Variants in PRICKLE2 observed in about 807,000 individuals in gnomAD.
PRICKLE2 encodes the protein prickle-like protein 2.
PRICKLE2 carries 21 observed loss-of-function variants against 81.4 expected under a neutral mutation model. The observed-to-expected ratio is 0.26, with a 90% CI of 0.18 to 0.37. The LOEUF (loss-of-function observed/expected upper bound fraction) is 0.37. PRICKLE2 is among the 10% of genes least tolerant of loss of function. PRICKLE2 has a pLI of 1.00. For synonymous variants in PRICKLE2, 456 were observed against 421.5 expected (o/e 1.08, Z -1.00); for missense variants, 940 against 1,109.0 (o/e 0.85, Z 2.16).
intron 7 of PRICKLE2, among the ~76,000 whole-genome samples, chr3:64,119,322 C>G (rs2076990203): frequency 6.6e-6 from 1 of 152,146 alleles, no homozygotes; most frequent in South Asian, 2.1e-4. Context: ...CCCCATAACA[C>G]AAGTTTACCT....
At chr3:64,249,403 G>C (rs1028816762) in intron 2 of PRICKLE2, among the ~76,000 whole-genome samples, 1 of 152,214 alleles carries the variant, frequency 6.6e-6, no homozygotes, top group African/African-American at 2.4e-5. Context: ...TTCGACATGA[G>C]ATTTGGGTGG....
intron 7 of PRICKLE2, among the ~76,000 whole-genome samples, chr3:64,107,169 A>G (rs563882939): frequency 2.0e-5 from 3 of 152,226 alleles, no homozygotes; most frequent in East Asian, 3.9e-4. Context: ...AAGAGAGGTC[A>G]GCATCCAATT....
chr3:64,197,197 T>C (rs1037375686), intron 2 of PRICKLE2, among the ~76,000 whole-genome samples: 3 of 152,232 alleles, frequency 2.0e-5, no homozygotes, highest in Non-Finnish European at 4.4e-5. Context: ...TCTTTACTAT[T>C]ATGAATAGTG....
At chr3:64,248,188 G>C (rs1342990037) in intron 2 of PRICKLE2, among the ~76,000 whole-genome samples, 1 of 152,170 alleles carries the variant, frequency 6.6e-6, no homozygotes. Context: ...TAATTTTTGT[G>C]AGTCATTCTC....
At chr3:64,112,690 C>A (rs113345789) in intron 7 of PRICKLE2, among the ~76,000 whole-genome samples, 4,404 of 152,246 alleles carry the variant, frequency 0.029, 201 homozygotes, top group African/African-American at 0.1. Flanking sequence ...AGCTTCTGCA[C>A]AGCAAAATAA....
intron 7 of PRICKLE2, among the ~76,000 whole-genome samples, chr3:64,130,644 A>G (rs893816771): frequency 1.3e-5 from 2 of 152,202 alleles, no homozygotes; most frequent in African/African-American, 4.8e-5. Context: ...CCACCCACGA[A>G]TTATCCCAGA....
At chr3:64,141,837 G>A in intron 7 of PRICKLE2, 1 of 985,282 alleles carries the variant, frequency 1.0e-6, no homozygotes, top group Non-Finnish European at 1.2e-6. Flanking sequence ...AATAACATAA[G>A]TTACTGACCA....
chr3:64,179,358 G>A (rs892992810), intron 2 of PRICKLE2, among the ~76,000 whole-genome samples: 1 of 152,132 alleles, frequency 6.6e-6, no homozygotes, highest in Non-Finnish European at 1.5e-5. Flanking sequence ...TTACAAGTGT[G>A]AGCCACCGTG....
chr3:64,129,588 G>A (rs1200829077), intron 7 of PRICKLE2, among the ~76,000 whole-genome samples: 3 of 152,128 alleles, frequency 2.0e-5, no homozygotes, highest in Non-Finnish European at 1.5e-5. Flanking sequence ...CTGAACCATG[G>A]CTGTTGAAAG....
intron 2 of PRICKLE2, among the ~76,000 whole-genome samples, chr3:64,250,699 G>A (rs1575714720): frequency 6.6e-6 from 1 of 152,158 alleles, no homozygotes; most frequent in African/African-American, 2.4e-5. Flanking sequence ...ACCCAGAAAG[G>A]CCTGATTAAT....
chr3:64,219,240 G>A (rs566178040), intron 1 of PRICKLE2, among the ~76,000 whole-genome samples: 1 of 152,286 alleles, frequency 6.6e-6, no homozygotes, highest in Admixed American at 6.5e-5. Flanking sequence ...CACTCATCAA[G>A]GTCATGGCTG....
chr3:64,239,531 G>GCCTGTAAT (rs1166445911), intron 2 of PRICKLE2, among the ~76,000 whole-genome samples: 1 of 152,180 alleles, frequency 6.6e-6, no homozygotes, highest in African/African-American at 2.4e-5. Context: ...CATTCCGAAG[G>GCCTGTAAT]CCTGTAATCC....
At chr3:64,167,497 G>A (rs1281806949) in intron 2 of PRICKLE2, among the ~76,000 whole-genome samples, 1 of 152,210 alleles carries the variant, frequency 6.6e-6, no homozygotes, top group Non-Finnish European at 1.5e-5. Flanking sequence ...GTGTAACTCT[G>A]CAACAGGAAA....
At chr3:64,209,158 C>T (rs1383572093) in intron 1 of PRICKLE2, among the ~76,000 whole-genome samples, 1 of 152,030 alleles carries the variant, frequency 6.6e-6, no homozygotes, top group Non-Finnish European at 1.5e-5. Context: ...TCCACCTATC[C>T]ACCCATCTAT....
At position 64,093,462 on chromosome 3, in the gene PRICKLE2, C is replaced by T. The variant is rs1185868880; in HGVS notation, c.*5589G>A. The T allele has an allele frequency of 6.6e-6, 1 of 152,172 alleles. No individual in the cohort carries two copies. The highest frequency in any genetic ancestry group is 1.5e-5 in the Non-Finnish European group (1 of 68,038). The allele number at this position is 152,172 out of a possible 1,614,324, so 9.4% of individuals were successfully genotyped here. On this transcript the variant is annotated 3_prime_UTR_variant, in exon 8 of 8. Coordinates refer to ENST00000638394, the MANE Select transcript of PRICKLE2 (RefSeq NM_198859.4). ...CATACTGTTTTCCACAGCACTACAT[C>T]ATTTTACATTCCCACCAACAGTGTA...
At chr3:64,162,403 A>G (rs2077749640) in intron 3 of PRICKLE2, among the ~76,000 whole-genome samples, 1 of 152,138 alleles carries the variant, frequency 6.6e-6, no homozygotes, top group South Asian at 2.1e-4. Flanking sequence ...TTTCGAGGAT[A>G]AGAGATGCCC....
At chr3:64,107,148 G>A (rs1324332612) in intron 7 of PRICKLE2, among the ~76,000 whole-genome samples, 1 of 152,106 alleles carries the variant, frequency 6.6e-6, no homozygotes, top group Non-Finnish European at 1.5e-5. Context: ...ATCCTTGGCT[G>A]TGCTTCTACA....
At chr3:64,124,766 A>G (rs1455765059) in intron 7 of PRICKLE2, among the ~76,000 whole-genome samples, 2 of 152,212 alleles carry the variant, frequency 1.3e-5, no homozygotes, top group African/African-American at 4.8e-5. Context: ...ATTCATTTCA[A>G]AATGTTACCA....
intron 2 of PRICKLE2, among the ~76,000 whole-genome samples, chr3:64,248,013 C>T (rs1280813079): frequency 2.0e-5 from 3 of 152,148 alleles, no homozygotes; most frequent in East Asian, 3.8e-4. Flanking sequence ...ATCCACAAAA[C>T]GTTAAAACCC....
Sources: allele counts gnomAD v4.1 joint callset (sites outside exome capture counted in the v4.1 genomes callset), GRCh38; gene constraint gnomAD v4.1.1; transcripts MANE v1.5; gene names NCBI Gene and HGNC (gene_info 2026-07-23, HGNC 2026-07-21).